Variants in PCTP observed in about 807,000 individuals in gnomAD.
PCTP encodes the protein phosphatidylcholine transfer protein.
A neutral mutation model predicts 31.0 loss-of-function variants in PCTP; 27 were observed. The ratio of observed to expected loss-of-function variants is 0.87; its 90% CI spans 0.64 to 1.20. PCTP has a LOEUF of 1.20. Among genes scored for constraint, PCTP ranks in the 50% most tolerant of loss-of-function variants. The pLI is 0.00. For missense variants in PCTP, 287 were observed against 268.2 expected, an observed-to-expected ratio of 1.07 and a Z score of -0.49; for synonymous variants, 108 against 101.2, an observed-to-expected ratio of 1.07 and a Z score of -0.40.
Position 55,776,833 on chromosome 17 carries a change from C to A in PCTP, c.*733C>A, listed in dbSNP as rs987154388. On this transcript the variant is annotated 3_prime_UTR_variant, in exon 6 of 6. Transcript: ENST00000268896. ...TGAGGAAATGGATGATTTCTCTTTT[C>A]CATATGTCACTGGGGGAAAGGCTGC... is the stretch of plus-strand genomic sequence containing the variant. 9.8e-7 allele frequency: 1 copy of A among 1,015,430 alleles called. No homozygotes were observed. 62.9% of individuals were successfully genotyped at this position (1,015,430 alleles called of 1,614,324 possible).
chr17:55,833,454 AG>A (rs1905672611), intron 5 of PCTP, among the ~76,000 whole-genome samples: 1 of 152,222 alleles, frequency 6.6e-6, no homozygotes, highest in South Asian at 2.1e-4. Context: ...GGTCCAAATA[AG>A]GGAAGTATCC....
intron 2 of PCTP, among the ~76,000 whole-genome samples, chr17:55,784,983 A>G (rs1056716075): frequency 6.6e-6 from 1 of 152,124 alleles, no homozygotes; most frequent in African/African-American, 2.4e-5. Flanking sequence ...CACACTGCCT[A>G]TGGTATGCAG....
intron 4 of PCTP, 48 bp downstream of exon 4, chr17:55,773,943 G>A (rs7209137): frequency 1.6e-5 from 25 of 1,526,684 alleles, no homozygotes; most frequent in Middle Eastern, 3.4e-4. Context: ...GGTCCCCCAC[G>A]GGAGGGCCAG....
chr17:55,774,953 C>A, intron 5 of PCTP, 94 bp downstream of exon 5: 1 of 1,348,832 alleles, frequency 7.4e-7, no homozygotes, highest in Non-Finnish European at 1.1e-6. Context: ...TGAAGAGACA[C>A]ATTGTCTCAG....
At chr17:55,786,621 A>G (rs552021669) in intron 2 of PCTP, among the ~76,000 whole-genome samples, 1 of 152,322 alleles carries the variant, frequency 6.6e-6, no homozygotes, top group Admixed American at 6.5e-5. Context: ...TTTTTCTCAA[A>G]TCCAGTTAAA....
At chr17:55,757,569 GTA>G (rs60951110) in intron 1 of PCTP, among the ~76,000 whole-genome samples, 124,035 of 151,660 alleles carry the variant, frequency 0.82, 54,422 homozygotes, top group Non-Finnish European at 0.98. Flanking sequence ...ATGTGTGTGT[GTA>G]TATATACTAA....
intron 3 of PCTP, among the ~76,000 whole-genome samples, chr17:55,821,882 C>A (rs1251112219): frequency 6.6e-6 from 1 of 152,160 alleles, no homozygotes; most frequent in Non-Finnish European, 1.5e-5. Flanking sequence ...TTAGTGAAAT[C>A]TCTGCCTCTG....
intron 3 of PCTP, among the ~76,000 whole-genome samples, chr17:55,773,176 C>T (rs1276286180): frequency 6.6e-6 from 1 of 152,210 alleles, no homozygotes; most frequent in Non-Finnish European, 1.5e-5. Flanking sequence ...TTCCTATGGT[C>T]ATCAGCTGTA....
At chr17:55,780,550 C>T (rs1246495040), downstream of PCTP, among the ~76,000 whole-genome samples, 1 of 152,240 alleles carries the variant, frequency 6.6e-6, no homozygotes, top group African/African-American at 2.4e-5. Context: ...CCTCTGCAGA[C>T]TGCTATAATT....
At chr17:55,767,831 G>A (rs866928656) in intron 2 of PCTP, among the ~76,000 whole-genome samples, 2 of 129,054 alleles carry the variant, frequency 1.5e-5, no homozygotes, top group East Asian at 4.9e-4. Context: ...AGTGACTCAC[G>A]CCTGTAATCC....
intron 3 of PCTP, among the ~76,000 whole-genome samples, chr17:55,816,289 C>T (rs1220437865): frequency 2.0e-5 from 3 of 152,108 alleles, no homozygotes; most frequent in African/African-American, 7.2e-5. Flanking sequence ...TCTAGGAAAC[C>T]ACTAATGTAA....
intron 3 of PCTP, among the ~76,000 whole-genome samples, chr17:55,815,035 C>G (rs2145052572): frequency 6.6e-6 from 1 of 152,304 alleles, no homozygotes; most frequent in African/African-American, 2.4e-5. Context: ...ACTGAGTAAA[C>G]TAAGCCTGGA....
intron 5 of PCTP, among the ~76,000 whole-genome samples, chr17:55,841,623 C>T (rs1033483803): frequency 1.3e-5 from 2 of 152,014 alleles, no homozygotes; most frequent in East Asian, 3.9e-4. Flanking sequence ...TTCTGGATCT[C>T]GGGTGAATAT....
At chr17:55,815,034 A>G (rs1598013623) in intron 3 of PCTP, among the ~76,000 whole-genome samples, 1 of 152,214 alleles carries the variant, frequency 6.6e-6, no homozygotes, top group Non-Finnish European at 1.5e-5. Context: ...TACTGAGTAA[A>G]CTAAGCCTGG....
intron 2 of PCTP, 84 bp downstream of exon 2, chr17:55,767,536 C>G (rs111779901): frequency 1.0e-4 from 95 of 911,958 alleles, no homozygotes; most frequent in African/African-American, 1.0e-3. Context: ...AGGATCTCAG[C>G]TCACCGCAAT....
downstream of PCTP, among the ~76,000 whole-genome samples, chr17:55,845,887 G>GGTGTGTGT (rs34179575): frequency 0.031 from 4,401 of 142,994 alleles, 144 homozygotes; most frequent in African/African-American, 0.068. Context: ...AGAGGGTTGG[G>GGTGTGTGT]GTGTGTGTGT....
downstream of PCTP, among the ~76,000 whole-genome samples, chr17:55,781,595 C>T (rs990753648): frequency 6.6e-6 from 1 of 152,146 alleles, no homozygotes; most frequent in African/African-American, 2.4e-5. Context: ...CAATTCATAC[C>T]ACTAACTAAA....
chr17:55,829,256 A>G (rs1451368908), intron 5 of PCTP, among the ~76,000 whole-genome samples: 1 of 152,096 alleles, frequency 6.6e-6, no homozygotes, highest in Non-Finnish European at 1.5e-5. Context: ...CACCTAGTGA[A>G]TCAGTTTGGT....
intron 3 of PCTP, among the ~76,000 whole-genome samples, chr17:55,801,006 C>G (rs914212451): frequency 2.6e-5 from 4 of 152,052 alleles, no homozygotes. Flanking sequence ...AAGCTTCGTC[C>G]CAGAGGGGCA....
Sources: gnomAD v4.1 joint callset for allele counts (sites outside exome capture counted in the v4.1 genomes callset) on GRCh38, gnomAD v4.1.1 for gene constraint, MANE v1.5 for transcripts, NCBI Gene and HGNC (gene_info 2026-07-23, HGNC 2026-07-21) for gene names.